SPIRE2: variants seen among roughly 807,000 people sequenced by gnomAD.
The protein encoded by SPIRE2 is spire type actin nucleation factor 2.
A neutral mutation model predicts 80.7 loss-of-function variants in SPIRE2; 76 were observed. The observed-to-expected ratio is 0.94, with a 90% confidence interval of 0.78 to 1.14. The LOEUF is 1.14. Among genes scored for constraint, SPIRE2 ranks in the 50% most tolerant of loss-of-function variants. SPIRE2 has a pLI of 0.00. For missense variants in SPIRE2, 1,196 were observed against 1,015.3 expected, an observed-to-expected ratio of 1.18 and a Z score of -2.42; for synonymous variants, 535 against 432.6, an observed-to-expected ratio of 1.24 and a Z score of -2.94.
At chr16:89,861,784 C>T (rs1010513420) in intron 10 of SPIRE2, among the ~76,000 whole-genome samples, 2 of 152,134 alleles carry the variant, frequency 1.3e-5, no homozygotes, top group African/African-American at 4.8e-5. Context: ...GAGCAGGAGG[C>T]GTGAGTCCCT....
chr16:89,832,398 G>C (rs959139451), intron 1 of SPIRE2, among the ~76,000 whole-genome samples: 7 of 152,254 alleles, frequency 4.6e-5, no homozygotes, highest in Non-Finnish European at 8.8e-5. Context: ...GTTTTCTGGA[G>C]ATGGTGTCTG....
chr16:89,860,168 G>A (rs953189054), intron 9 of SPIRE2, among the ~76,000 whole-genome samples: 1 of 152,176 alleles, frequency 6.6e-6, no homozygotes, highest in Non-Finnish European at 1.5e-5. Context: ...GCTCATTCTG[G>A]GGCTCAGACA....
chr16:89,844,549 C>G (rs2041539037), intron 1 of SPIRE2, among the ~76,000 whole-genome samples: 1 of 151,706 alleles, frequency 6.6e-6, no homozygotes, highest in Admixed American at 6.6e-5. Flanking sequence ...CGCCATTCTC[C>G]TGCATCACCC....
chr16:89,856,836 G>A (rs1394547074), intron 7 of SPIRE2, among the ~76,000 whole-genome samples: 1 of 151,830 alleles, frequency 6.6e-6, no homozygotes, highest in African/African-American at 2.4e-5. Context: ...TGAGGCGGGA[G>A]GATCACTTGA....
intron 1 of SPIRE2, among the ~76,000 whole-genome samples, chr16:89,829,424 C>G (rs575402718): frequency 6.6e-6 from 1 of 152,164 alleles, no homozygotes; most frequent in Non-Finnish European, 1.5e-5. Context: ...TTACCCTTTA[C>G]GAAAAAAACC....
At chr16:89,853,053 C>A (rs540648535) in intron 3 of SPIRE2, among the ~76,000 whole-genome samples, 1 of 152,280 alleles carries the variant, frequency 6.6e-6, no homozygotes, top group South Asian at 2.1e-4. Context: ...TCTCAGCTCC[C>A]CCTTGGCCTC....
chr16:89,861,238 T>C (rs1165982232), intron 10 of SPIRE2, among the ~76,000 whole-genome samples: 1 of 152,168 alleles, frequency 6.6e-6, no homozygotes, highest in Non-Finnish European at 1.5e-5. Context: ...TGCTGACATC[T>C]TGAGGCCCAC....
rs1165119009 is a variant in SPIRE2 at position 89,834,630 on chromosome 16, G to A, written c.244+5836G>A. On this transcript the variant is annotated intron_variant, in intron 1 of 14. Coordinates refer to ENST00000378247, the MANE Select transcript of SPIRE2 (RefSeq NM_032451.2). ...AACCTGCCCGCACTCGCGGTTGGCCGTTGTAGAAGCCTGGATAAGCATAGC... is the reference window on the plus strand; with the variant it reads ...AACCTGCCCGCACTCGCGGTTGGCCATTGTAGAAGCCTGGATAAGCATAGC... Among the ~76,000 whole-genome samples the A allele has an allele frequency of 5.6e-4, 60 of 106,548 alleles. 5 individuals are homozygous for A. Among genetic ancestry groups the A allele is most frequent in the South Asian group, 4.7e-3 (13 of 2,782 alleles). The allele number at this position is 106,548 out of a possible 152,430, so 69.9% of individuals were successfully genotyped here. A position where few individuals can be genotyped will look rare whatever the true frequency, so the allele number is the denominator to read the frequency against.
intron 12 of SPIRE2, among the ~76,000 whole-genome samples, chr16:89,864,361 C>T (rs1438498603): frequency 1.3e-5 from 2 of 152,180 alleles, no homozygotes; most frequent in African/African-American, 4.8e-5. Flanking sequence ...GTCCCCCTCT[C>T]TGAAGGAAAT....
intron 7 of SPIRE2, among the ~76,000 whole-genome samples, chr16:89,857,559 TTTTTC>T (rs956141438): frequency 6.6e-6 from 1 of 152,016 alleles, no homozygotes; most frequent in Non-Finnish European, 1.5e-5. Flanking sequence ...TTTTAAAATG[TTTTTC>T]TTTTCTTTTC....
At chr16:89,835,399 CT>C (rs1290892112) in intron 1 of SPIRE2, among the ~76,000 whole-genome samples, 2 of 152,208 alleles carry the variant, frequency 1.3e-5, no homozygotes, top group African/African-American at 4.8e-5. Context: ...CTTCCAGGCC[CT>C]CCTACACCGA....
rs2143768203 is a variant in SPIRE2 at position 89,828,888 on chromosome 16, C to A, written c.244+94C>A. ...GGTGGTCCCGGCGGAGAGGCTGCGA[C>A]CGGTTCTGGAGCGGGAGATCCCCTT... On this transcript the variant is annotated intron_variant, in intron 1 of 14. Coordinates refer to ENST00000378247, the MANE Select transcript of SPIRE2 (RefSeq NM_032451.2). The surrounding 1 kb of genome is among the most constrained non-coding windows in gnomAD (Gnocchi z 5.9). The A allele has an allele frequency of 9.7e-7, 1 of 1,026,866 alleles. No individual in the cohort carries two copies. The highest frequency in any genetic ancestry group is 1.2e-6 in the Non-Finnish European group (1 of 825,398). 63.6% of individuals were successfully genotyped at this position (1,026,866 alleles called of 1,614,324 possible).
chr16:89,863,335 C>T lies in SPIRE2; in HGVS notation c.1576-141C>T. The T allele has an allele frequency of 2.3e-6, 2 of 879,926 alleles. No homozygotes were observed. Among genetic ancestry groups the T allele is most frequent in the Non-Finnish European group, 3.4e-6 (2 of 585,688 alleles). The allele number at this position is 879,926 out of a possible 1,614,324, so 54.5% of individuals were successfully genotyped here. On this transcript the variant is annotated intron_variant, in intron 10 of 14. Coordinates refer to ENST00000378247, the MANE Select transcript of SPIRE2 (RefSeq NM_032451.2). The surrounding 1 kb of genome is among the most constrained non-coding windows in gnomAD (Gnocchi z 4.3). ...GACATGGGGATGGATGGCTGATGGA[C>T]AAGATGGCTGATGGACAGCGTTTTA...
At chr16:89,857,349 T>C (rs1395164044) in intron 7 of SPIRE2, among the ~76,000 whole-genome samples, 1 of 151,788 alleles carries the variant, frequency 6.6e-6, no homozygotes, top group Non-Finnish European at 1.5e-5. Flanking sequence ...TTGCCCAGGC[T>C]GGTGTTGAAC....
chr16:89,836,413 ATCC>A, intron 1 of SPIRE2: 1 of 356,512 alleles, frequency 2.8e-6, no homozygotes, highest in Non-Finnish European at 5.6e-6. Context: ...CCACCTCCAG[ATCC>A]TCCTCCACTG....
intron 1 of SPIRE2, among the ~76,000 whole-genome samples, chr16:89,833,244 C>T (rs940432124): frequency 6.6e-6 from 1 of 152,082 alleles, no homozygotes; most frequent in African/African-American, 2.4e-5. Flanking sequence ...CTGCCTTGGC[C>T]TCCGAAAGTG....
At chr16:89,858,065 T>G (rs946012657) in intron 7 of SPIRE2, among the ~76,000 whole-genome samples, 3 of 151,172 alleles carry the variant, frequency 2.0e-5, no homozygotes, top group Admixed American at 6.6e-5. Flanking sequence ...TTTGTATTTT[T>G]TAGTAGAGAC....
chr16:89,831,120 A>G (rs1297489978), intron 1 of SPIRE2, among the ~76,000 whole-genome samples: 2 of 150,584 alleles, frequency 1.3e-5, no homozygotes, highest in African/African-American at 4.8e-5. Flanking sequence ...CGTGTTAGCC[A>G]GGATGGTCTC....
chr16:89,866,291 T>C, intron 12 of SPIRE2, among the ~76,000 whole-genome samples: 1 of 152,110 alleles, frequency 6.6e-6, no homozygotes, highest in African/African-American at 2.4e-5. Context: ...CTCTCATGTT[T>C]GAATTTTTTT....
Sources: gnomAD v4.1 joint callset for allele counts (sites outside exome capture counted in the v4.1 genomes callset) on GRCh38, gnomAD v4.1.1 for gene constraint, Gnocchi (gnomAD v3.1) non-coding constraint, MANE v1.5 for transcripts, NCBI Gene and HGNC (gene_info 2026-07-23, HGNC 2026-07-21) for gene names.